The following RAP1GDS1 variants were observed in gnomAD, a reference collection of about 807,000 sequenced individuals.
RAP1GDS1 encodes Rap1 GTPase-GDP dissociation stimulator 1.
In RAP1GDS1, 35 loss-of-function variants were observed where a neutral mutation model predicts 71.1. That is an observed-to-expected ratio of 0.49 (90% CI 0.38 to 0.65). The LOEUF (loss-of-function observed/expected upper bound fraction) is 0.65, where lower values mean the gene tolerates loss of function less well. Among genes scored for constraint, RAP1GDS1 ranks in the 30% least tolerant of loss-of-function variants. The pLI, the probability that RAP1GDS1 is intolerant of heterozygous loss-of-function variation, is 0.00. For missense variants in RAP1GDS1, 663 were observed against 706.1 expected (o/e 0.94, Z 0.69); for synonymous variants, 229 against 243.1 (o/e 0.94, Z 0.54).
intron 7 of RAP1GDS1, among the ~76,000 whole-genome samples, chr4:98,416,334 GTTTTTTTTTTTT>G (rs70955932): frequency 2.9e-4 from 15 of 51,570 alleles, no homozygotes; most frequent in East Asian, 1.2e-3. Flanking sequence ...CATTTTCTTA[GTTTTTTTTTTTT>G]TTTTTTTTTT....
chr4:98,299,278 G>A (rs1246190581), intron 2 of RAP1GDS1, among the ~76,000 whole-genome samples: 1 of 152,166 alleles, frequency 6.6e-6, no homozygotes, highest in Non-Finnish European at 1.5e-5. Flanking sequence ...TGGTGTATAT[G>A]TGCCACATTT....
chr4:98,397,157 C>T (rs1744664358), intron 6 of RAP1GDS1, among the ~76,000 whole-genome samples: 1 of 152,126 alleles, frequency 6.6e-6, no homozygotes, highest in South Asian at 2.1e-4. Flanking sequence ...TTTAACCCAA[C>T]ACTCTTTAAT....
intron 1 of RAP1GDS1, among the ~76,000 whole-genome samples, chr4:98,276,901 G>T (rs1176564081): frequency 6.6e-6 from 1 of 152,132 alleles, no homozygotes; most frequent in Non-Finnish European, 1.5e-5. Context: ...AATATTGTGA[G>T]ATCTGGAACC....
intron 2 of RAP1GDS1, among the ~76,000 whole-genome samples, chr4:98,339,119 C>T (rs1193785587): frequency 6.6e-6 from 1 of 152,084 alleles, no homozygotes; most frequent in Non-Finnish European, 1.5e-5. Context: ...TACTCTTATT[C>T]CAAGTTTCTC....
intron 12 of RAP1GDS1, among the ~76,000 whole-genome samples, chr4:98,425,149 T>G (rs1036778486): frequency 1.3e-5 from 2 of 152,052 alleles, no homozygotes; most frequent in South Asian, 4.1e-4. Context: ...GCTTCATAAA[T>G]GAAGGAAAGA....
intron 4 of RAP1GDS1, among the ~76,000 whole-genome samples, chr4:98,369,220 G>T (rs185786937): frequency 6.6e-6 from 1 of 152,178 alleles, no homozygotes; most frequent in African/African-American, 2.4e-5. Flanking sequence ...GATTGTGGGA[G>T]CTATAATTCA....
At position 98,418,723 on chromosome 4, in the gene RAP1GDS1, A is replaced by G. The variant is rs375361617; in HGVS notation, c.1106A>G (p.His369Arg). The change falls in exon 10 of 15, where the codon CAT becomes CGT. Residue 369 changes from histidine (H) to arginine (R), a missense_variant. Coordinates refer to ENST00000408927, the MANE Select transcript of RAP1GDS1 (RefSeq NM_001100427.2). ...VEKLMDLLDR[H>R]VEDGNVTVQH... is the part of the protein sequence containing the mutation. The stretch of plus-strand genomic sequence containing the variant: ...AAACTTATGGATTTACTGGACAGAC[A>G]TGTAGAAGATGGAAATGTAACAGTA... 2.5e-6 allele frequency: 4 copies of G among 1,612,952 alleles called. No individual in the cohort carries two copies. In the African/African-American group the frequency reaches 5.3e-5, roughly 22 times the overall value.
intron 2 of RAP1GDS1, among the ~76,000 whole-genome samples, chr4:98,305,005 C>G (rs1275229508): frequency 6.6e-6 from 1 of 152,104 alleles, no homozygotes. Context: ...TCTGAGATCT[C>G]TGTTCTGTCT....
At chr4:98,325,762 G>A (rs891948730) in intron 2 of RAP1GDS1, among the ~76,000 whole-genome samples, 2 of 129,848 alleles carry the variant, frequency 1.5e-5, no homozygotes, top group African/African-American at 5.8e-5. Flanking sequence ...TCACACTCTG[G>A]GGACTGTGGT....
chr4:98,404,486 A>T lies in RAP1GDS1; in HGVS notation c.647A>T (p.Lys216Ile). ...FGNLAELESS[K>I]EQFASTNIAE... Reference sequence around the variant, plus strand: ...CTTTTTTATTTTACAGAGTCAAGTAAAGAACAGTTTGCCAGTACAAACATT... The same window carrying T: ...CTTTTTTATTTTACAGAGTCAAGTATAGAACAGTTTGCCAGTACAAACATT... The change falls in exon 7 of 15, where the codon AAA becomes ATA. Residue 216 changes from lysine (K) to isoleucine (I), a missense_variant. Transcript: ENST00000408927. 6.3e-7 allele frequency: 1 copy of T among 1,597,608 alleles called. No homozygotes were observed. The highest frequency in any genetic ancestry group is 8.5e-7 in the Non-Finnish European group (1 of 1,175,026).
intron 1 of RAP1GDS1, among the ~76,000 whole-genome samples, chr4:98,283,905 A>G (rs531997842): frequency 6.6e-6 from 1 of 151,960 alleles, no homozygotes; most frequent in African/African-American, 2.4e-5. Flanking sequence ...TTGGATTATA[A>G]ATTCATTTTG....
chr4:98,338,011 G>A (rs1382395602), intron 2 of RAP1GDS1, among the ~76,000 whole-genome samples: 1 of 152,062 alleles, frequency 6.6e-6, no homozygotes, highest in African/African-American at 2.4e-5. Flanking sequence ...ATGCGGACAG[G>A]GCAGGGGAGG....
chr4:98,273,848 A>G (rs750896346), intron 1 of RAP1GDS1, among the ~76,000 whole-genome samples: 1 of 152,132 alleles, frequency 6.6e-6, no homozygotes, highest in African/African-American at 2.4e-5. Context: ...CAGATTAACC[A>G]CTTCCAATTT....
At chr4:98,327,797 G>A (rs1733365072) in intron 2 of RAP1GDS1, among the ~76,000 whole-genome samples, 1 of 152,158 alleles carries the variant, frequency 6.6e-6, no homozygotes, top group South Asian at 2.1e-4. Flanking sequence ...CAACAAGGGA[G>A]ATTGAAGGTG....
chr4:98,324,768 A>G (rs1173184944), intron 2 of RAP1GDS1, among the ~76,000 whole-genome samples: 1,694 of 147,078 alleles, frequency 0.012, 33 homozygotes, highest in African/African-American at 0.042. Flanking sequence ...ACAAAAATCA[A>G]TTCAAGATGG....
intron 12 of RAP1GDS1, among the ~76,000 whole-genome samples, chr4:98,429,256 C>G (rs1217673717): frequency 1.5e-5 from 1 of 68,386 alleles, no homozygotes; most frequent in African/African-American, 4.7e-5. Flanking sequence ...AGACGTGTCT[C>G]AAAAAAAAAA....
At chr4:98,281,545 CA>C (rs1725102915) in intron 1 of RAP1GDS1, among the ~76,000 whole-genome samples, 1 of 152,148 alleles carries the variant, frequency 6.6e-6, no homozygotes, top group African/African-American at 2.4e-5. Flanking sequence ...ACAATCATGT[CA>C]TCTGCAAACA....
At chr4:98,274,676 T>C (rs1723950241) in intron 1 of RAP1GDS1, among the ~76,000 whole-genome samples, 1 of 152,162 alleles carries the variant, frequency 6.6e-6, no homozygotes, top group African/African-American at 2.4e-5. Flanking sequence ...TTGCTTATTA[T>C]TATTTTATGG....
rs184028958 is a variant in RAP1GDS1, at chr4:98,294,291, A to G, written c.112+776A>G. Among the ~76,000 whole-genome samples the G allele has an allele frequency of 3.4e-4, 51 of 152,146 alleles. No homozygotes were observed. The East Asian group carries it at 8.9e-3, about 27-fold the overall frequency. On this transcript the variant is annotated intron_variant, in intron 2 of 14. Transcript: ENST00000408927. Reference sequence around the variant, plus strand: ...AAACTAATTATGTAGCTGACAAAGAATGGAGGGGAACGTATATATTGTTAA... The same window carrying G: ...AAACTAATTATGTAGCTGACAAAGAGTGGAGGGGAACGTATATATTGTTAA...
Sources: gnomAD v4.1 joint callset for allele counts (sites outside exome capture counted in the v4.1 genomes callset) on GRCh38, gnomAD v4.1.1 for gene constraint, MANE v1.5 for transcripts, NCBI Gene and HGNC (gene_info 2026-07-23, HGNC 2026-07-21) for gene names.